HHIPL1: variants seen among roughly 807,000 people sequenced by gnomAD.
HHIPL1 encodes HHIP like 1, also known as HHIP-like protein 1.
In HHIPL1, 43 loss-of-function variants were observed where a neutral mutation model predicts 61.8. The observed-to-expected ratio is 0.70, with a 90% CI of 0.55 to 0.90. HHIPL1 has a LOEUF of 0.90. Ranked by LOEUF, HHIPL1 falls within the 40% of genes least tolerant of loss-of-function variation. HHIPL1 has a pLI of 0.00. For missense variants in HHIPL1, 1,056 were observed against 1,157.7 expected (o/e 0.91, Z 1.28); for synonymous variants, 482 against 515.8 (o/e 0.93, Z 0.89).
intron 8 of HHIPL1, among the ~76,000 whole-genome samples, chr14:99,672,841 G>A (rs912204997): frequency 6.6e-6 from 1 of 152,198 alleles, no homozygotes; most frequent in African/African-American, 2.4e-5. Context: ...CTGGGGGAAG[G>A]GGATGCCCCA....
chr14:99,674,479 T>C (rs1486331810), intron 8 of HHIPL1, among the ~76,000 whole-genome samples: 1 of 152,120 alleles, frequency 6.6e-6, no homozygotes, highest in Non-Finnish European at 1.5e-5. Flanking sequence ...TCCCCCATCG[T>C]ACCCGCTGTG....
At chr14:99,609,661 G>A in the HHIPL1 span, among the ~76,000 whole-genome samples, 3 of 152,182 alleles carry the variant, frequency 2.0e-5, no homozygotes, top group Non-Finnish European at 2.9e-5. Flanking sequence ...ATGCTGGACC[G>A]CCAGGGGCAG....
the HHIPL1 span, among the ~76,000 whole-genome samples, chr14:99,628,409 G>A: frequency 6.6e-5 from 10 of 151,902 alleles, no homozygotes; most frequent in African/African-American, 9.7e-5. Flanking sequence ...ATGAAACCCC[G>A]TCTCTACTAA....
chr14:99,656,286 A>G (rs543855574), intron 2 of HHIPL1, among the ~76,000 whole-genome samples: 37 of 152,318 alleles, frequency 2.4e-4, no homozygotes, highest in Admixed American at 7.8e-4. Context: ...CAAACAAAAC[A>G]AAACAAAACA....
chr14:99,613,316 A>T, the HHIPL1 span, among the ~76,000 whole-genome samples: 2 of 150,364 alleles, frequency 1.3e-5, no homozygotes, highest in Non-Finnish European at 3.0e-5. Context: ...AACTCCATAC[A>T]TGTGGTTTTT....
At position 99,679,607 on chromosome 14, in the gene HHIPL1, G is replaced by T. The variant is rs1365146217; in HGVS notation, c.*3981G>T. 1 of 152,250 alleles carries T rather than the reference G, an allele frequency of 6.6e-6. No homozygotes were observed. The highest frequency in any genetic ancestry group is 1.5e-5 in the Non-Finnish European group (1 of 68,044). 9.4% of individuals were successfully genotyped at this position (152,250 alleles called of 1,614,324 possible). A position where few individuals can be genotyped will look rare whatever the true frequency, so the allele number is the denominator to read the frequency against. ...ATGTTTGGGAGGTTCAAGGAAGCTG[G>T]AAACTGGGTTCCAGTCCTGGCTCTG... is the stretch of plus-strand genomic sequence containing the variant. On this transcript the variant is annotated 3_prime_UTR_variant, in exon 9 of 9. Coordinates refer to ENST00000330710, the MANE Select transcript of HHIPL1 (RefSeq NM_001127258.3).
At chr14:99,658,612 G>A (rs569685818) in intron 3 of HHIPL1, among the ~76,000 whole-genome samples, 3 of 152,256 alleles carry the variant, frequency 2.0e-5, no homozygotes, top group Admixed American at 1.3e-4. Context: ...CATTCAGTCG[G>A]TGCATCAGAA....
rs1566810096 is a variant in HHIPL1, at chr14:99,656,870, AGGAAGGAAGGAAGGAAGGAAGG to A, written c.903-129_903-108del. On this transcript the variant is annotated intron_variant, in intron 2 of 8. Transcript: ENST00000330710. ...AAGGAAGGAAGGAAGGAAGGAAGGA[AGGAAGGAAGGAAGGAAGGAAGG>A]AAGGTCTTTTCCATTGTGAAATGAC... is the stretch of plus-strand genomic sequence containing the variant. 4.2e-4 allele frequency: 33 copies of A among 79,296 alleles called. 5 individuals are homozygous for A. The highest frequency in any genetic ancestry group is 2.0e-3 in the East Asian group (10 of 4,958). 4.9% of individuals were successfully genotyped at this position (79,296 alleles called of 1,614,324 possible).
chr14:99,634,289 G>A, the HHIPL1 span, among the ~76,000 whole-genome samples: 4 of 152,132 alleles, frequency 2.6e-5, no homozygotes, highest in African/African-American at 7.2e-5. Flanking sequence ...CCCCCACACT[G>A]GGGGGTCCTT....
the HHIPL1 span, among the ~76,000 whole-genome samples, chr14:99,611,788 C>T: frequency 7.2e-5 from 11 of 151,768 alleles, no homozygotes; most frequent in Non-Finnish European, 1.0e-4. Flanking sequence ...TTCTTATACG[C>T]GTGTCCCAAC....
At position 99,662,999 on chromosome 14, in the gene HHIPL1, C is replaced by G. The variant is rs1165769959; in HGVS notation, c.1626C>G (p.Ile542Met). The G allele has an allele frequency of 1.2e-6, 2 of 1,611,742 alleles. No homozygotes were observed. The highest frequency in any genetic ancestry group is 8.5e-7 in the Non-Finnish European group (1 of 1,179,016). The change falls in exon 6 of 9, where the codon ATC becomes ATG. Residue 542 changes from isoleucine (I) to methionine (M), a missense_variant. By Grantham distance (10) the Ile-to-Met change is conservative. Transcript: ENST00000330710. ...TCAACAACTACTACCCGTACATCAT[C>G]TCCTTCGGGGAGGACGAGGCCGGTG... The part of the protein sequence containing the change: ...GLINNYYPYI[I>M]SFGEDEAGEL...
In HHIPL1 at chr14:99,652,221, C is replaced by A; in HGVS notation, c.256-3C>A. 1 of 1,589,422 alleles carries A rather than the reference C, an allele frequency of 6.3e-7. No homozygotes were observed. Among genetic ancestry groups the A allele is most frequent in the Non-Finnish European group, 8.6e-7 (1 of 1,166,740 alleles). ...CATCTCTGAGCCATTACTGTCTCTG[C>A]AGGAATGCTCGCCGTATGCAGCCCA... On this transcript the variant is annotated splice_polypyrimidine_tract_variant and splice_region_variant and intron_variant, in intron 1 of 8. Coordinates refer to ENST00000330710, the MANE Select transcript of HHIPL1 (RefSeq NM_001127258.3).
intron 2 of HHIPL1, among the ~76,000 whole-genome samples, chr14:99,655,412 A>G (rs1458742224): frequency 6.6e-6 from 1 of 152,162 alleles, no homozygotes; most frequent in Admixed American, 6.5e-5. Context: ...GCTTGAGGAC[A>G]GGAGTTCGAG....
chr14:99,627,448 C>A, the HHIPL1 span, among the ~76,000 whole-genome samples: 1 of 152,250 alleles, frequency 6.6e-6, no homozygotes, highest in African/African-American at 2.4e-5. This position sits in a 1 kb window ranked among gnomAD's most constrained non-coding sequence, Gnocchi z 4.4. Flanking sequence ...ATCCATCCAT[C>A]CTTGTCTACA....
chr14:99,674,406 C>A (rs1244659455), intron 8 of HHIPL1, among the ~76,000 whole-genome samples: 1 of 152,088 alleles, frequency 6.6e-6, no homozygotes, highest in African/African-American at 2.4e-5. Flanking sequence ...CTAGCACCGA[C>A]TGCACCCAGG....
the HHIPL1 span, among the ~76,000 whole-genome samples, chr14:99,625,961 G>A: frequency 1.3e-5 from 2 of 152,164 alleles, no homozygotes; most frequent in Admixed American, 1.3e-4. Context: ...AAAATTCAAA[G>A]TCGTTGTGAG....
At chr14:99,631,968 T>A in the HHIPL1 span, among the ~76,000 whole-genome samples, 1 of 152,154 alleles carries the variant, frequency 6.6e-6, no homozygotes, top group Non-Finnish European at 1.5e-5. Context: ...CCCAGGAGGA[T>A]TCCCTTGGGA....
chr14:99,654,174 G>T (rs1311133262), intron 2 of HHIPL1, among the ~76,000 whole-genome samples: 2 of 122,770 alleles, frequency 1.6e-5, no homozygotes, highest in Non-Finnish European at 3.2e-5. Flanking sequence ...GGATGACAGA[G>T]CAAGACTCTG....
In HHIPL1 at chr14:99,662,071, C is replaced by G. The variant is rs552171976; in HGVS notation, c.1503-805C>G. 1.3e-3 allele frequency among the ~76,000 whole-genome samples: 196 copies of G among 152,304 alleles called. 1 individual carries two copies. Among genetic ancestry groups the G allele is most frequent in the African/African-American group, 4.5e-3 (189 of 41,560 alleles). ...GTCCTTCCCAGGAGAGCCCAAGTCT[C>G]CTGACCACAGAAATTCAACTAATTT... On this transcript the variant is annotated intron_variant, in intron 5 of 8. Transcript: ENST00000330710.
Sources: gnomAD v4.1 joint callset for allele counts (sites outside exome capture counted in the v4.1 genomes callset) on GRCh38, gnomAD v4.1.1 for gene constraint, Gnocchi (gnomAD v3.1) non-coding constraint, MANE v1.5 for transcripts, NCBI Gene and HGNC (gene_info 2026-07-23, HGNC 2026-07-21) for gene names.